The following ATP8A2 variants were observed in gnomAD, a reference collection of about 807,000 sequenced individuals.
ATP8A2 encodes phospholipid-transporting ATPase IB.
A neutral mutation model predicts 165.6 loss-of-function variants in ATP8A2; 100 were observed. That is an observed-to-expected ratio of 0.60 (90% CI 0.51 to 0.71). The LOEUF (loss-of-function observed/expected upper bound fraction) is 0.71, where lower values mean the gene tolerates loss of function less well. ATP8A2 is among the 30% of genes least tolerant of loss of function. The pLI, the probability that ATP8A2 is intolerant of heterozygous loss-of-function variation, is 0.00. For missense variants in ATP8A2, 1,227 were observed against 1,479.5 expected (o/e 0.83, Z 2.80); for synonymous variants, 543 against 548.8 (o/e 0.99, Z 0.15).
At chr13:25,806,727 A>T (rs557886007) in intron 27 of ATP8A2, among the ~76,000 whole-genome samples, 28 of 152,258 alleles carry the variant, frequency 1.8e-4, no homozygotes, top group Non-Finnish European at 3.4e-4. Flanking sequence ...TGATAACGCT[A>T]TCTTTAACAT....
chr13:25,447,142 A>G (rs192618379), intron 1 of ATP8A2, among the ~76,000 whole-genome samples: 44 of 152,340 alleles, frequency 2.9e-4, no homozygotes, highest in African/African-American at 7.2e-4. Flanking sequence ...GTTCTAAATA[A>G]TATCTTTCCT....
At position 25,821,704 on chromosome 13, in the gene ATP8A2, T is replaced by C. The variant is rs79685225; in HGVS notation, c.2680-6414T>C. ...CTAGGGTTTCTCAACAGTGGCATTA[T>C]TGACATTTTGGACTATATGATTTTT... On this transcript the variant is annotated intron_variant, in intron 27 of 36. Transcript: ENST00000381655. Among the ~76,000 whole-genome samples, 136 of 152,334 alleles carry C rather than the reference T, an allele frequency of 8.9e-4. 1 individual carries two copies. The highest frequency in any genetic ancestry group is 3.4e-3 in the Middle Eastern group (1 of 294).
At chr13:25,971,529 A>C (rs1480737939) in intron 35 of ATP8A2, among the ~76,000 whole-genome samples, 3 of 151,800 alleles carry the variant, frequency 2.0e-5, no homozygotes, top group African/African-American at 7.3e-5. Context: ...TGATTTGTGT[A>C]TCTCTCTAGC....
chr13:26,015,118 C>T (rs1466974449), intron 36 of ATP8A2, among the ~76,000 whole-genome samples: 1 of 151,958 alleles, frequency 6.6e-6, no homozygotes, highest in East Asian at 1.9e-4. Flanking sequence ...TTTCTTAAGT[C>T]AATATTTTGA....
intron 24 of ATP8A2, among the ~76,000 whole-genome samples, chr13:25,648,538 C>T (rs2041734072): frequency 6.6e-6 from 1 of 152,092 alleles, no homozygotes; most frequent in Non-Finnish European, 1.5e-5. Context: ...GTGGTGTGCA[C>T]CTGTAGTCTC....
At chr13:25,518,360 A>ACG (rs2037546091) in intron 2 of ATP8A2, among the ~76,000 whole-genome samples, 1 of 152,126 alleles carries the variant, frequency 6.6e-6, no homozygotes, top group Admixed American at 6.5e-5. Context: ...TCCGGTGGGG[A>ACG]CGCTTAAAGC....
At chr13:25,907,778 T>C (rs1389877201) in intron 33 of ATP8A2, among the ~76,000 whole-genome samples, 1 of 152,180 alleles carries the variant, frequency 6.6e-6, no homozygotes, top group Non-Finnish European at 1.5e-5. Context: ...CCTAACTCTA[T>C]GTCTACACCA....
chr13:25,844,486 C>A (rs1951815286), intron 30 of ATP8A2, among the ~76,000 whole-genome samples: 1 of 152,180 alleles, frequency 6.6e-6, no homozygotes. Context: ...ACCTCGGCTT[C>A]CCAAAGGGCT....
At chr13:25,639,810 G>A (rs922962041) in intron 24 of ATP8A2, among the ~76,000 whole-genome samples, 3 of 152,154 alleles carry the variant, frequency 2.0e-5, no homozygotes, top group African/African-American at 7.2e-5. Flanking sequence ...ATTACTCTCA[G>A]CACCACATTA....
chr13:25,693,177 G>A (rs569330747), intron 24 of ATP8A2, among the ~76,000 whole-genome samples: 9 of 152,248 alleles, frequency 5.9e-5, no homozygotes, highest in African/African-American at 1.4e-4. Flanking sequence ...TTGTAACATC[G>A]TTCCTCTGGG....
At chr13:25,449,566 C>T (rs2035157821) in intron 1 of ATP8A2, among the ~76,000 whole-genome samples, 1 of 152,156 alleles carries the variant, frequency 6.6e-6, no homozygotes, top group Non-Finnish European at 1.5e-5. Flanking sequence ...TCAGCTGTGT[C>T]CAGGGGCTTC....
chr13:25,504,405 A>C (rs1237815046), intron 2 of ATP8A2, among the ~76,000 whole-genome samples: 1 of 150,066 alleles, frequency 6.7e-6, no homozygotes, highest in East Asian at 1.9e-4. Context: ...AATAATTTTT[A>C]AAAATCTTTC....
chr13:25,507,800 T>C (rs771112708), intron 2 of ATP8A2, among the ~76,000 whole-genome samples: 42 of 152,196 alleles, frequency 2.8e-4, no homozygotes, highest in Non-Finnish European at 2.5e-4. Context: ...CAGTACCTCT[T>C]TGTATGTCAA....
intron 24 of ATP8A2, among the ~76,000 whole-genome samples, chr13:25,640,860 A>AT: frequency 6.6e-6 from 1 of 152,352 alleles, no homozygotes; most frequent in East Asian, 1.9e-4. Flanking sequence ...CCTCAATAAA[A>AT]TACTGGCAAA....
chr13:25,880,980 T>C (rs1294548066), intron 33 of ATP8A2: 1 of 456,206 alleles, frequency 2.2e-6, no homozygotes, highest in Non-Finnish European at 4.4e-6. Context: ...CAGCCAAAGA[T>C]TGAGTTTGTG....
At chr13:25,580,045 T>G in intron 22 of ATP8A2, 98 bp downstream of exon 22, 2 of 1,360,430 alleles carry the variant, frequency 1.5e-6, no homozygotes, top group South Asian at 2.8e-5. Context: ...TGTAGGGATG[T>G]TCTCTTTTCT....
intron 1 of ATP8A2, among the ~76,000 whole-genome samples, chr13:25,406,964 C>A (rs1262485261): frequency 6.6e-6 from 1 of 152,220 alleles, no homozygotes; most frequent in Non-Finnish European, 1.5e-5. Flanking sequence ...CAGCCTGTTA[C>A]CGCTGCTTCC....
At chr13:25,959,190 T>G (rs1051790605) in intron 33 of ATP8A2, among the ~76,000 whole-genome samples, 1 of 152,184 alleles carries the variant, frequency 6.6e-6, no homozygotes, top group African/African-American at 2.4e-5. Flanking sequence ...TCCAATCCCT[T>G]TCTTGTGGTT....
intron 10 of ATP8A2, among the ~76,000 whole-genome samples, chr13:25,549,377 T>C (rs892947322): frequency 6.6e-6 from 1 of 151,416 alleles, no homozygotes; most frequent in Non-Finnish European, 1.5e-5. Context: ...GGAGAATCAC[T>C]TGAACCGGGG....
Sources: allele counts gnomAD v4.1 joint callset (sites outside exome capture counted in the v4.1 genomes callset), GRCh38; gene constraint gnomAD v4.1.1; transcripts MANE v1.5; gene names NCBI Gene and HGNC (gene_info 2026-07-23, HGNC 2026-07-21).